Variants in DLGAP2 observed in about 807,000 individuals in gnomAD.
DLGAP2 encodes DLG associated protein 2.
A neutral mutation model predicts 100.3 loss-of-function variants in DLGAP2; 26 were observed. The ratio of observed to expected loss-of-function variants is 0.26; its 90% CI spans 0.19 to 0.36. The LOEUF (loss-of-function observed/expected upper bound fraction) is 0.36. Among genes scored for constraint, DLGAP2 ranks in the 10% least tolerant of loss-of-function variants. The pLI, the probability that DLGAP2 is intolerant of heterozygous loss-of-function variation, is 1.00. For synonymous variants in DLGAP2, 886 were observed against 630.1 expected (o/e 1.41, Z -6.08); for missense variants, 1,858 against 1,453.2 (o/e 1.28, Z -4.53).
At chr8:1,099,774 C>G (rs1247647873) in intron 2 of DLGAP2, among the ~76,000 whole-genome samples, 1 of 152,138 alleles carries the variant, frequency 6.6e-6, no homozygotes, top group Non-Finnish European at 1.5e-5. Flanking sequence ...TACCACAGGT[C>G]TTTTATATTT....
At chr8:876,333 C>T (rs1054975459) in intron 1 of DLGAP2, among the ~76,000 whole-genome samples, 7 of 152,104 alleles carry the variant, frequency 4.6e-5, no homozygotes, top group African/African-American at 1.7e-4. Flanking sequence ...AATAAATTCT[C>T]TGAGTTTTTA....
chr8:1,448,271 A>T (rs1431684237), intron 3 of DLGAP2, among the ~76,000 whole-genome samples: 1 of 151,946 alleles, frequency 6.6e-6, no homozygotes, highest in Non-Finnish European at 1.5e-5. Context: ...TGTCCCAGAG[A>T]TTCTGGTATG....
chr8:1,391,325 G>A (rs1276667466), intron 3 of DLGAP2, among the ~76,000 whole-genome samples: 1 of 152,174 alleles, frequency 6.6e-6, no homozygotes, highest in East Asian at 1.9e-4. Context: ...GGGGTACCCT[G>A]CAGAACGACC....
At chr8:917,735 C>A (rs1007198171) in intron 2 of DLGAP2, among the ~76,000 whole-genome samples, 1 of 152,102 alleles carries the variant, frequency 6.6e-6, no homozygotes, top group East Asian at 1.9e-4. Context: ...GGTGTGCCAC[C>A]ACGCCTGGCT....
intron 1 of DLGAP2, among the ~76,000 whole-genome samples, chr8:774,999 T>C (rs1362003374): frequency 6.6e-6 from 1 of 151,966 alleles, no homozygotes; most frequent in East Asian, 1.9e-4. Flanking sequence ...TGTTCTTCCA[T>C]TTGTTTGTAT....
chr8:1,634,165 C>G lies in DLGAP2; in HGVS notation c.1810+1119C>G, dbSNP rs572611841. Among the ~76,000 whole-genome samples, 203 of 152,344 alleles carry G rather than the reference C, an allele frequency of 1.3e-3. 2 individuals are homozygous for G. In the South Asian group the frequency reaches 0.018, roughly 13 times the overall value. On this transcript the variant is annotated intron_variant, in intron 8 of 14. Transcript: ENST00000637795. ...CAAGAACTTAGGCTTGTTAACGTTT[C>G]TGACTCTTGGTTTCTGCGGTATTCA... is the stretch of plus-strand genomic sequence containing the variant.
chr8:782,395 A>G (rs1439229614), intron 1 of DLGAP2, among the ~76,000 whole-genome samples: 1 of 152,158 alleles, frequency 6.6e-6, no homozygotes, highest in Non-Finnish European at 1.5e-5. Context: ...TATTATATTA[A>G]TACATACTCT....
intron 2 of DLGAP2, among the ~76,000 whole-genome samples, chr8:927,433 A>C (rs7822510): frequency 0.22 from 33,130 of 152,076 alleles, 3,832 homozygotes; most frequent in African/African-American, 0.24. Flanking sequence ...CACACACCAA[A>C]GGTCTCAGGG....
At chr8:1,040,616 G>T (rs949779151) in intron 2 of DLGAP2, among the ~76,000 whole-genome samples, 1 of 149,122 alleles carries the variant, frequency 6.7e-6, no homozygotes, top group Non-Finnish European at 1.5e-5. Context: ...CTCGGTGTGC[G>T]TGGTCGGCTC....
intron 3 of DLGAP2, among the ~76,000 whole-genome samples, chr8:1,355,662 C>A (rs2129638323): frequency 6.6e-6 from 1 of 152,214 alleles, no homozygotes; most frequent in African/African-American, 2.4e-5. Flanking sequence ...CGCACCTGGC[C>A]AAGTACGAGT....
rs1000360683 is a variant in DLGAP2, at chr8:878,081, AAC to A, written c.19-29829_19-29828del. Among the ~76,000 whole-genome samples, 195 of 152,268 alleles carry A rather than the reference AAC, an allele frequency of 1.3e-3. 2 individuals are homozygous for A. Among genetic ancestry groups the A allele is most frequent in the Admixed American group, 8.4e-3 (128 of 15,296 alleles). ...TGTTTTGTTGTTGTCTATAATTTTC[AAC>A]AGTTTTCCTTGAGAGTACTGGGAGT... On this transcript the variant is annotated intron_variant, in intron 1 of 14. Coordinates refer to ENST00000637795, the MANE Select transcript of DLGAP2 (RefSeq NM_001346810.2).
intron 3 of DLGAP2, among the ~76,000 whole-genome samples, chr8:1,352,184 A>C (rs1225111935): frequency 9.2e-6 from 1 of 108,370 alleles, no homozygotes; most frequent in African/African-American, 3.5e-5. Context: ...GTGTGTGGAT[A>C]GGCTGTGCGG....
chr8:1,157,870 A>G (rs1261247175), intron 2 of DLGAP2, among the ~76,000 whole-genome samples: 1 of 152,214 alleles, frequency 6.6e-6, no homozygotes, highest in Non-Finnish European at 1.5e-5. Flanking sequence ...GCTATCTCAG[A>G]TGCTGCCGGT....
At chr8:900,848 A>G (rs1364178944) in intron 1 of DLGAP2, among the ~76,000 whole-genome samples, 2 of 152,246 alleles carry the variant, frequency 1.3e-5, no homozygotes, top group African/African-American at 4.8e-5. Flanking sequence ...AACAGAAATG[A>G]GATGTTAAAA....
intron 2 of DLGAP2, among the ~76,000 whole-genome samples, chr8:976,697 G>A (rs1231503372): frequency 6.6e-6 from 1 of 152,196 alleles, no homozygotes; most frequent in African/African-American, 2.4e-5. Context: ...AGAAAAGATG[G>A]CTTTTTCAAA....
At chr8:916,080 G>A (rs924656148) in intron 2 of DLGAP2, among the ~76,000 whole-genome samples, 10 of 151,126 alleles carry the variant, frequency 6.6e-5, no homozygotes, top group African/African-American at 9.8e-5. Flanking sequence ...TCACCCGTCC[G>A]TCCATCTGTC....
chr8:1,251,479 C>G (rs1394829384), intron 2 of DLGAP2, among the ~76,000 whole-genome samples: 1 of 152,180 alleles, frequency 6.6e-6, no homozygotes, highest in Non-Finnish European at 1.5e-5. Flanking sequence ...CTGTCTGTCC[C>G]CAGGCTGGAG....
intron 2 of DLGAP2, among the ~76,000 whole-genome samples, chr8:1,011,255 A>T (rs1375587905): frequency 1.1e-5 from 1 of 94,330 alleles, no homozygotes; most frequent in East Asian, 3.5e-4. Context: ...AGTGAGCCCT[A>T]GAATGAGGAG....
At chr8:801,904 C>T (rs1249534361) in intron 1 of DLGAP2, among the ~76,000 whole-genome samples, 2 of 152,182 alleles carry the variant, frequency 1.3e-5, no homozygotes, top group Non-Finnish European at 2.9e-5. Context: ...AGCTCACTGT[C>T]ATAGTGTAAT....
Sources: allele counts gnomAD v4.1 joint callset (sites outside exome capture counted in the v4.1 genomes callset), GRCh38; gene constraint gnomAD v4.1.1; transcripts MANE v1.5; gene names NCBI Gene and HGNC (gene_info 2026-07-23, HGNC 2026-07-21).